LRRC3B: variants seen among roughly 807,000 people sequenced by gnomAD.
LRRC3B encodes the protein leucine-rich repeat-containing protein 3B.
Under a neutral mutation model 12.8 loss-of-function variants are expected in LRRC3B, and 2 were observed. The observed-to-expected ratio is 0.16, with a 90% CI of 0.06 to 0.49. The LOEUF (loss-of-function observed/expected upper bound fraction) is 0.49, where lower values mean the gene tolerates loss of function less well. Ranked by LOEUF, LRRC3B falls within the 20% of genes least tolerant of loss-of-function variation. The pLI is 0.96. For missense variants in LRRC3B, 189 were observed against 319.4 expected (o/e 0.59, Z 3.11); for synonymous variants, 132 against 122.0 (o/e 1.08, Z -0.54).
At chr3:26,671,989 A>G (rs896251043) in intron 1 of LRRC3B, among the ~76,000 whole-genome samples, 1 of 152,034 alleles carries the variant, frequency 6.6e-6, no homozygotes, top group Non-Finnish European at 1.5e-5. Flanking sequence ...AGTAACAATG[A>G]CTCATTGTTA....
At chr3:26,680,779 T>C (rs751964507) in intron 1 of LRRC3B, among the ~76,000 whole-genome samples, 40 of 152,366 alleles carry the variant, frequency 2.6e-4, no homozygotes, top group Admixed American at 3.9e-4. Context: ...TGTTTCATTG[T>C]GACCAAAAGA....
chr3:26,678,205 T>C (rs949063321), intron 1 of LRRC3B, among the ~76,000 whole-genome samples: 2 of 152,026 alleles, frequency 1.3e-5, no homozygotes, highest in African/African-American at 4.8e-5. Flanking sequence ...GGAGAAGTAG[T>C]GGAATTCACT....
chr3:26,636,566 G>T (rs1599922), intron 1 of LRRC3B, among the ~76,000 whole-genome samples: 26 of 152,158 alleles, frequency 1.7e-4, no homozygotes, highest in African/African-American at 5.5e-4. Context: ...GTAATGAAGA[G>T]TATGTATTGA....
At chr3:26,637,492 G>A (rs1235940295) in intron 1 of LRRC3B, among the ~76,000 whole-genome samples, 1 of 152,146 alleles carries the variant, frequency 6.6e-6, no homozygotes, top group Admixed American at 6.5e-5. Flanking sequence ...GGATGGCAAT[G>A]AAGAGGTCTT....
chr3:26,636,978 C>CTCTCTCTCTTTCTCTCTT (rs1553601419), intron 1 of LRRC3B, among the ~76,000 whole-genome samples: 11 of 88,138 alleles, frequency 1.2e-4, no homozygotes, highest in Non-Finnish European at 1.9e-4. Context: ...TTCTTTCTCT[C>CTCTCTCTCTTTCTCTCTT]TCTCTCTTTC....
chr3:26,636,860 C>G (rs1271564794), intron 1 of LRRC3B, among the ~76,000 whole-genome samples: 2 of 74,908 alleles, frequency 2.7e-5, no homozygotes, highest in African/African-American at 1.1e-4. Flanking sequence ...CTCCCTCCCT[C>G]CCTCCCTTCC....
chr3:26,704,384 T>G (rs1325179253), intron 1 of LRRC3B, among the ~76,000 whole-genome samples: 1 of 152,310 alleles, frequency 6.6e-6, no homozygotes, highest in East Asian at 1.9e-4. Flanking sequence ...TCTTAACATG[T>G]TTATTGACAC....
At chr3:26,653,048 T>G (rs1259125151) in intron 1 of LRRC3B, among the ~76,000 whole-genome samples, 2 of 151,420 alleles carry the variant, frequency 1.3e-5, no homozygotes, top group Non-Finnish European at 2.9e-5. Context: ...CCCTAGTAGA[T>G]TCATACTTAA....
chr3:26,706,432 C>T (rs1700589078), intron 1 of LRRC3B, among the ~76,000 whole-genome samples: 1 of 152,102 alleles, frequency 6.6e-6, no homozygotes, highest in Admixed American at 6.6e-5. Flanking sequence ...AGCCAAATCC[C>T]AGAAAATTTT....
chr3:26,657,384 T>C (rs1271044451), intron 1 of LRRC3B, among the ~76,000 whole-genome samples: 1 of 152,216 alleles, frequency 6.6e-6, no homozygotes, highest in African/African-American at 2.4e-5. Flanking sequence ...TATTGAATTA[T>C]ATTCAATTTC....
chr3:26,678,421 G>T (rs1433098905), intron 1 of LRRC3B, among the ~76,000 whole-genome samples: 1 of 152,034 alleles, frequency 6.6e-6, no homozygotes, highest in African/African-American at 2.4e-5. Context: ...TTGAGCCTGG[G>T]AGGCGAAGGT....
intron 1 of LRRC3B, among the ~76,000 whole-genome samples, chr3:26,650,270 A>G (rs1208866966): frequency 1.1e-4 from 17 of 152,184 alleles, no homozygotes; most frequent in Admixed American, 3.9e-4. Context: ...TCAGGGCCGT[A>G]TGGCTCCCAT....
intron 1 of LRRC3B, among the ~76,000 whole-genome samples, chr3:26,628,648 C>T (rs1404824470): frequency 6.6e-6 from 1 of 151,686 alleles, no homozygotes; most frequent in East Asian, 1.9e-4. Flanking sequence ...TATATATCTA[C>T]ATATACTTTA....
chr3:26,643,558 G>A (rs992336253), intron 1 of LRRC3B, among the ~76,000 whole-genome samples: 4 of 152,122 alleles, frequency 2.6e-5, no homozygotes, highest in Non-Finnish European at 5.9e-5. Context: ...CTGGGCCTCA[G>A]TCTCATTGTC....
intron 1 of LRRC3B, among the ~76,000 whole-genome samples, chr3:26,636,198 C>G (rs1032859023): frequency 2.6e-5 from 4 of 152,048 alleles, no homozygotes; most frequent in Middle Eastern, 3.4e-3. Flanking sequence ...CCTGCCAAAA[C>G]CTAATTAACT....
At chr3:26,656,987 G>T (rs1438854872) in intron 1 of LRRC3B, among the ~76,000 whole-genome samples, 2 of 152,096 alleles carry the variant, frequency 1.3e-5, no homozygotes, top group Admixed American at 6.6e-5. Context: ...TCTCTGAGAT[G>T]CAAAAACTTT....
intron 1 of LRRC3B, among the ~76,000 whole-genome samples, chr3:26,671,207 G>A (rs1487063045): frequency 6.9e-6 from 1 of 144,004 alleles, no homozygotes; most frequent in Non-Finnish European, 1.5e-5. Context: ...AGTAGAGACG[G>A]GGTTTCACCG....
At chr3:26,627,810 T>C (rs1040795209) in intron 1 of LRRC3B, among the ~76,000 whole-genome samples, 7 of 152,160 alleles carry the variant, frequency 4.6e-5, no homozygotes. Context: ...GGAAGAGCCA[T>C]TCAAAACCAG....
chr3:26,631,731 G>A (rs1698761545), intron 1 of LRRC3B, among the ~76,000 whole-genome samples: 1 of 151,120 alleles, frequency 6.6e-6, no homozygotes, highest in Non-Finnish European at 1.5e-5. Context: ...CTCTTTTTGT[G>A]CACATAGACT....
Sources: allele counts gnomAD v4.1 joint callset (sites outside exome capture counted in the v4.1 genomes callset), GRCh38; gene constraint gnomAD v4.1.1; transcripts MANE v1.5; gene names NCBI Gene and HGNC (gene_info 2026-07-23, HGNC 2026-07-21).